Variants in TBC1D28 observed in about 807,000 individuals in gnomAD.
The protein encoded by TBC1D28 is TBC1 domain family, member 28.
TBC1D28 carries 20 observed loss-of-function variants against 29.2 expected under a neutral mutation model. The ratio of observed to expected loss-of-function variants is 0.68; its 90% CI spans 0.48 to 0.99. The LOEUF (loss-of-function observed/expected upper bound fraction) is 0.99, where lower values mean the gene tolerates loss of function less well. Ranked by LOEUF, TBC1D28 falls within the 50% of genes least tolerant of loss-of-function variation. The pLI is 0.00. For missense variants in TBC1D28, 205 were observed against 243.7 expected (o/e 0.84, Z 1.06); for synonymous variants, 65 against 90.9 (o/e 0.71, Z 1.62).
At chr17:18,643,531 C>A (rs923061050), upstream of TBC1D28, among the ~76,000 whole-genome samples, 2 of 150,606 alleles carry the variant, frequency 1.3e-5, no homozygotes, top group African/African-American at 4.9e-5. Flanking sequence ...GACCAGGCTC[C>A]AACTGACCAT....
chr17:18,641,317 G>A, exon 3 of TBC1D28: 1 of 1,613,766 alleles, frequency 6.2e-7, no homozygotes, highest in Non-Finnish European at 8.5e-7. Context: ...CTTGCCCCTG[G>A]GCAGGCAGGT....
At chr17:18,641,935 C>T (rs1485542808) in exon 1 of TBC1D28, 3 of 174,744 alleles carry the variant, frequency 1.7e-5, no homozygotes, top group Non-Finnish European at 2.5e-5. Context: ...GAGACCCCGT[C>T]GCAGGTCGAG....
chr17:18,635,871 C>A, exon 9 of TBC1D28: 1 of 992,838 alleles, frequency 1.0e-6, no homozygotes. Flanking sequence ...AAGTGTTTGT[C>A]CCAGGAGAGG....
chr17:18,641,326 G>C, exon 3 of TBC1D28: 1 of 1,613,892 alleles, frequency 6.2e-7, no homozygotes, highest in Non-Finnish European at 8.5e-7. Flanking sequence ...GGGCAGGCAG[G>C]TTATCCGGGT....
At chr17:18,635,323 G>C (rs541421919) in exon 9 of TBC1D28, 2 of 154,270 alleles carry the variant, frequency 1.3e-5, no homozygotes, top group Admixed American at 6.6e-5. Context: ...CCTTCCCGGG[G>C]ATCTGAAAAC....
At chr17:18,642,689 G>A (rs2031825805), upstream of TBC1D28, 1 of 152,280 alleles carries the variant, frequency 6.6e-6, no homozygotes, top group Admixed American at 6.5e-5. Flanking sequence ...TGTACCCGGT[G>A]AGTGCTCAGG....
Position 18,639,097 on chromosome 17 carries a change from G to A in TBC1D28, c.198+78C>T, listed in dbSNP as rs556148229. The A allele has an allele frequency of 2.7e-5, 35 of 1,309,886 alleles. 1 individual carries two copies. In the African/African-American group the frequency reaches 3.7e-4, roughly 14 times the overall value. 81.1% of individuals were successfully genotyped at this position (1,309,886 alleles called of 1,614,324 possible). ...CACTCACCACCACACAGGCCCACAG[G>A]CCACCCCCTCTGCCTTACCGATCAC... On this transcript the variant is annotated intron_variant, in intron 5 of 8. Coordinates refer to ENST00000345096, the Ensembl canonical transcript of TBC1D28.
chr17:18,639,848 C>T (rs1275368278), intron 4 of TBC1D28, among the ~76,000 whole-genome samples: 1 of 97,340 alleles, frequency 1.0e-5, no homozygotes, highest in Admixed American at 1.1e-4. Flanking sequence ...GACCCTTGTC[C>T]TTTCAGAACC....
At chr17:18,637,236 G>A (rs2649498) in intron 8 of TBC1D28, among the ~76,000 whole-genome samples, 1 of 69,946 alleles carries the variant, frequency 1.4e-5, no homozygotes. Context: ...CCTTCCTCCC[G>A]AGTTCCCATG....
At chr17:18,643,890 G>A (rs1345136884), upstream of TBC1D28, among the ~76,000 whole-genome samples, 1 of 152,174 alleles carries the variant, frequency 6.6e-6, no homozygotes, top group East Asian at 1.9e-4. Flanking sequence ...GACTTGGACC[G>A]AGCACCACCT....
At chr17:18,641,418 A>T (rs1814184055) in intron 2 of TBC1D28, 65 bp from the exon 4 acceptor site, 2 of 1,016,044 alleles carry the variant, frequency 2.0e-6, no homozygotes, top group Admixed American at 2.0e-5. Flanking sequence ...GCCAAACCAC[A>T]CGCACTGCAC....
intron 8 of TBC1D28, among the ~76,000 whole-genome samples, chr17:18,637,109 T>C (rs1408251865): frequency 7.4e-6 from 1 of 134,246 alleles, no homozygotes; most frequent in Non-Finnish European, 1.5e-5. Flanking sequence ...TGGTAGCCTG[T>C]TGGGTCTGGC....
exon 2 of TBC1D28, chr17:18,641,730 G>A (rs2031776891): frequency 3.3e-6 from 1 of 307,446 alleles, no homozygotes; most frequent in Non-Finnish European, 6.1e-6. Flanking sequence ...GGGACTGGAT[G>A]TCTCTATAGG....
chr17:18,636,565 T>G (rs2031508267), exon 9 of TBC1D28: 1 of 1,613,966 alleles, frequency 6.2e-7, no homozygotes, highest in Non-Finnish European at 8.5e-7. Context: ...ATATGCAGAA[T>G]AGGCCACGAG....
rs563982831 is a variant in TBC1D28 at position 18,640,455 on chromosome 17, A to G, written c.158+567T>C. Among the ~76,000 whole-genome samples the G allele has an allele frequency of 1.1e-3, 160 of 148,000 alleles. 1 individual carries two copies. The highest frequency in any genetic ancestry group is 1.5e-3 in the Non-Finnish European group (99 of 67,060). ...CAGGCCCAGGTCCCTTCCCTGCACCACTCCCGGGGCCTTCAGTTGCATGCT... is the reference window on the plus strand; with the variant it reads ...CAGGCCCAGGTCCCTTCCCTGCACCGCTCCCGGGGCCTTCAGTTGCATGCT... On this transcript the variant is annotated intron_variant, in intron 4 of 8. Coordinates refer to ENST00000345096, the Ensembl canonical transcript of TBC1D28.
At chr17:18,635,403 C>G (rs2031448520) in exon 9 of TBC1D28, 1 of 466,658 alleles carries the variant, frequency 2.1e-6, no homozygotes, top group Non-Finnish European at 2.8e-6. Flanking sequence ...GGGGAAGCGC[C>G]CCCTGCACCT....
chr17:18,636,648 A>G, intron 8 of TBC1D28, 51 bp from the exon 10 acceptor site: 2 of 1,586,970 alleles, frequency 1.3e-6, no homozygotes, highest in Non-Finnish European at 8.6e-7. Context: ...GACGCTGTCA[A>G]TTTCATTTTG....
chr17:18,636,568 G>A lies in TBC1D28; in HGVS notation c.527C>T (p.Ala176Val), dbSNP rs535416346. The A allele has an allele frequency of 7.1e-5, 115 of 1,613,764 alleles. No homozygotes were observed. Among genetic ancestry groups the A allele is most frequent in the Non-Finnish European group, 9.2e-5 (108 of 1,179,926 alleles). Reference sequence around the variant, plus strand: ...ACTCACAGGGTTATATGCAGAATAGGCCACGAGGATGTCACATAATTCCTG... The same window carrying A: ...ACTCACAGGGTTATATGCAGAATAGACCACGAGGATGTCACATAATTCCTG... The change falls in exon 9 of 9, where the codon GCC (alanine) becomes GTC (valine). Residue 176 changes from alanine to valine, a missense_variant. Coordinates refer to ENST00000345096, the Ensembl canonical transcript of TBC1D28.
intron 5 of TBC1D28, 66 bp from the exon 7 acceptor site, chr17:18,638,767 G>A: frequency 6.2e-7 from 1 of 1,609,638 alleles, no homozygotes; most frequent in South Asian, 1.1e-5. Context: ...CGTGGATGCT[G>A]GGTCCAGGGC....
Sources: allele counts gnomAD v4.1 joint callset (sites outside exome capture counted in the v4.1 genomes callset), GRCh38; gene constraint gnomAD v4.1.1; transcripts MANE v1.5; gene names NCBI Gene and HGNC (gene_info 2026-07-23, HGNC 2026-07-21).